The following HOOK3 variants were observed in gnomAD, a reference collection of about 807,000 sequenced individuals.
HOOK3 encodes the protein protein Hook homolog 3.
A neutral mutation model predicts 116.3 loss-of-function variants in HOOK3; 24 were observed. The ratio of observed to expected loss-of-function variants is 0.21; its 90% confidence interval spans 0.15 to 0.29. HOOK3 has a LOEUF of 0.29. Among genes scored for constraint, HOOK3 ranks in the 10% least tolerant of loss-of-function variants. The probability of loss-of-function intolerance (pLI) is 1.00; values close to 1 mark genes in which losing one functional copy is unlikely to be tolerated. For missense variants in HOOK3, 632 were observed against 830.2 expected (o/e 0.76, Z 2.93); for synonymous variants, 275 against 283.0 (o/e 0.97, Z 0.28).
At chr8:42,967,805 C>G (rs1253177785) in intron 10 of HOOK3, among the ~76,000 whole-genome samples, 1 of 151,542 alleles carries the variant, frequency 6.6e-6, no homozygotes, top group Non-Finnish European at 1.5e-5. Flanking sequence ...GCTGCCCTCT[C>G]CTGCTTGGTT....
In HOOK3 at chr8:43,025,749, A is replaced by G. The variant is rs910305914; in HGVS notation, c.*7251A>G. The stretch of plus-strand genomic sequence containing the variant: ...CTGCGGTGGCTGAAAATCGTGACCA[A>G]CTTGGTGTTATCTAGATCTGCTTTA... On this transcript the variant is annotated 3_prime_UTR_variant, in exon 22 of 22. Coordinates refer to ENST00000307602, the MANE Select transcript of HOOK3 (RefSeq NM_032410.4). The G allele has an allele frequency of 4.6e-6, 1 of 216,152 alleles. No individual in the cohort carries two copies. The highest frequency in any genetic ancestry group is 9.3e-6 in the Non-Finnish European group (1 of 107,590). 13.4% of individuals were successfully genotyped at this position (216,152 alleles called of 1,614,324 possible). A position where few individuals can be genotyped will look rare whatever the true frequency, so the allele number is the denominator to read the frequency against.
chr8:42,931,598 A>AT (rs533422403), intron 4 of HOOK3, among the ~76,000 whole-genome samples: 2,451 of 149,046 alleles, frequency 0.016, 72 homozygotes, highest in African/African-American at 0.057. Context: ...TGCCCGGCTA[A>AT]TTTTTTTGTA....
At chr8:42,959,202 A>G (rs1808492501) in intron 7 of HOOK3, 29 bp from the exon 8 acceptor site, 1 of 1,449,666 alleles carries the variant, frequency 6.9e-7, no homozygotes, top group Non-Finnish European at 9.7e-7. Flanking sequence ...ACTTCATATT[A>G]AAATGTTTAT....
intron 3 of HOOK3, among the ~76,000 whole-genome samples, chr8:42,929,854 C>T (rs1224944496): frequency 6.6e-6 from 1 of 152,108 alleles, no homozygotes; most frequent in African/African-American, 2.4e-5. Context: ...TGTTAAGTCT[C>T]ATTCAGTTAC....
At chr8:42,997,950 C>A in intron 16 of HOOK3, 5 of 242,050 alleles carry the variant, frequency 2.1e-5, no homozygotes, top group East Asian at 1.2e-4. Context: ...TCCCCTTTGG[C>A]CAAAAAAAAA....
chr8:42,973,266 G>A (rs1808758766), intron 11 of HOOK3, 23 bp from the exon 12 acceptor site: 1 of 1,590,556 alleles, frequency 6.3e-7, no homozygotes, highest in East Asian at 2.2e-5. Flanking sequence ...TTATGTATAA[G>A]TAATGGTATC....
At chr8:43,013,296 T>C (rs1352197107) in intron 20 of HOOK3, 33 bp from the exon 21 acceptor site, 1 of 1,493,862 alleles carries the variant, frequency 6.7e-7, no homozygotes, top group Non-Finnish European at 9.0e-7. Flanking sequence ...TTTATATCTT[T>C]ACATATTTAC....
chr8:42,961,655 TAAAGTGACAACCA>T (rs984169229), intron 8 of HOOK3, among the ~76,000 whole-genome samples: 2 of 152,204 alleles, frequency 1.3e-5, no homozygotes, highest in African/African-American at 4.8e-5. Context: ...TTTAGATATG[TAAAGTGACAACCA>T]AAAGCAATAA....
intron 4 of HOOK3, 39 bp from the exon 5 acceptor site, chr8:42,943,273 TA>T: frequency 8.0e-7 from 1 of 1,245,492 alleles, no homozygotes; most frequent in Non-Finnish European, 1.1e-6. Context: ...TTTGGTCATA[TA>T]AATGTAAATG....
intron 13 of HOOK3, among the ~76,000 whole-genome samples, chr8:42,974,952 T>C (rs1290196867): frequency 6.6e-6 from 1 of 152,164 alleles, no homozygotes. Flanking sequence ...CCCTCCTGAA[T>C]TGCAGGGCCT....
chr8:42,932,796 G>A (rs996553023), intron 4 of HOOK3, among the ~76,000 whole-genome samples: 2 of 152,150 alleles, frequency 1.3e-5, no homozygotes, highest in Non-Finnish European at 2.9e-5. Flanking sequence ...AAATCAGTAC[G>A]TGTGGTTGGA....
chr8:43,004,009 G>A (rs1009127978), intron 17 of HOOK3, among the ~76,000 whole-genome samples: 1 of 152,078 alleles, frequency 6.6e-6, no homozygotes, highest in Non-Finnish European at 1.5e-5. Flanking sequence ...CTTTTTAGGA[G>A]ACACAATTCA....
At chr8:42,969,510 AGCTATTT>A (rs1468089198) in intron 11 of HOOK3, among the ~76,000 whole-genome samples, 1 of 152,210 alleles carries the variant, frequency 6.6e-6, no homozygotes, top group Non-Finnish European at 1.5e-5. Context: ...CTGTGGTCCC[AGCTATTT>A]GGGAGGATGA....
rs939123486 is a variant in HOOK3 at position 43,029,867 on chromosome 8, AC to A, written c.*11371del. Reference sequence around the variant, plus strand: ...GAAGCCTTATATTCATGTCTTAAGTACCATTGATTGTTCTGTGAATTGTTGT... The same window carrying A: ...GAAGCCTTATATTCATGTCTTAAGTACATTGATTGTTCTGTGAATTGTTGT... On this transcript the variant is annotated 3_prime_UTR_variant, in exon 22 of 22. Coordinates refer to ENST00000307602, the MANE Select transcript of HOOK3 (RefSeq NM_032410.4). 3 of 214,318 alleles carry A rather than the reference AC, an allele frequency of 1.4e-5. No individual in the cohort carries two copies. The highest frequency in any genetic ancestry group is 2.8e-5 in the Non-Finnish European group (3 of 106,200). The allele number at this position is 214,318 out of a possible 1,614,324, so 13.3% of individuals were successfully genotyped here.
intron 2 of HOOK3, among the ~76,000 whole-genome samples, chr8:42,919,192 G>A (rs1204116429): frequency 6.7e-5 from 10 of 149,384 alleles, no homozygotes; most frequent in South Asian, 2.1e-4. Context: ...ACAGACGGGC[G>A]GCTGCTGGGC....
In HOOK3 at chr8:43,011,152, T is replaced by C. The variant is rs375621081; in HGVS notation, c.1839+747T>C. Among the ~76,000 whole-genome samples, 172 of 151,958 alleles carry C rather than the reference T, an allele frequency of 1.1e-3. 2 individuals are homozygous for C. In the East Asian group the frequency reaches 0.016, roughly 15 times the overall value. ...GGACTACAGGCGCCTGCCACCACACTCGGCTAATTTTTTGTATTTTTTAGT... is the reference window on the plus strand; with the variant it reads ...GGACTACAGGCGCCTGCCACCACACCCGGCTAATTTTTTGTATTTTTTAGT... On this transcript the variant is annotated intron_variant, in intron 19 of 21. Coordinates refer to ENST00000307602, the MANE Select transcript of HOOK3 (RefSeq NM_032410.4).
chr8:42,974,643 G>A (rs557650149), intron 13 of HOOK3, among the ~76,000 whole-genome samples: 4 of 152,328 alleles, frequency 2.6e-5, no homozygotes, highest in Admixed American at 6.5e-5. Context: ...GCTCCTCCTC[G>A]CAAAGCCCGG....
At chr8:42,940,348 G>A (rs545127846) in intron 4 of HOOK3, among the ~76,000 whole-genome samples, 9 of 152,350 alleles carry the variant, frequency 5.9e-5, no homozygotes, top group South Asian at 2.1e-4. Context: ...CAGGCGTGGC[G>A]GCGCGCGCCC....
chr8:43,007,827 T>A lies in HOOK3; in HGVS notation c.1656-20T>A. 1 of 1,492,538 alleles carries A rather than the reference T, an allele frequency of 6.7e-7. No homozygotes were observed. Among genetic ancestry groups the A allele is most frequent in the Non-Finnish European group, 9.2e-7 (1 of 1,087,190 alleles). 92.5% of individuals were successfully genotyped at this position (1,492,538 alleles called of 1,614,324 possible). On this transcript the variant is annotated intron_variant, in intron 17 of 21. Coordinates refer to ENST00000307602, the MANE Select transcript of HOOK3 (RefSeq NM_032410.4). ...AAATTACAGAAGCAGTAGTAGGTGA[T>A]GTTTACCTGTTTGTTACAGAGAGAA...
Sources: allele counts gnomAD v4.1 joint callset (sites outside exome capture counted in the v4.1 genomes callset), GRCh38; gene constraint gnomAD v4.1.1; transcripts MANE v1.5; gene names NCBI Gene and HGNC (gene_info 2026-07-23, HGNC 2026-07-21).